The following VEPH1 variants were observed in gnomAD, a reference collection of about 807,000 sequenced individuals.
VEPH1 encodes the protein ventricular zone expressed PH domain containing 1.
VEPH1 carries 80 observed loss-of-function variants against 85.2 expected under a neutral mutation model. That is an observed-to-expected ratio of 0.94 (90% CI 0.78 to 1.13). The LOEUF (loss-of-function observed/expected upper bound fraction) is 1.13, where lower values mean the gene tolerates loss of function less well. VEPH1 is among the 50% of genes most tolerant of loss of function. The pLI is 0.00. For missense variants in VEPH1, 955 were observed against 980.5 expected, an observed-to-expected ratio of 0.97 and a Z score of 0.35; for synonymous variants, 297 against 348.0, an observed-to-expected ratio of 0.85 and a Z score of 1.63.
At chr3:157,420,430 C>G (rs1349587581) in intron 5 of VEPH1, among the ~76,000 whole-genome samples, 1 of 152,048 alleles carries the variant, frequency 6.6e-6, no homozygotes, top group Non-Finnish European at 1.5e-5. Context: ...AGTCTTCAGG[C>G]CCAATTTTCT....
chr3:157,316,406 G>A (rs1481562144), intron 10 of VEPH1, among the ~76,000 whole-genome samples: 1 of 151,292 alleles, frequency 6.6e-6, no homozygotes, highest in African/African-American at 2.4e-5. Context: ...TGGGTCAGGG[G>A]TCAGACGATC....
intron 2 of VEPH1, among the ~76,000 whole-genome samples, chr3:157,481,470 A>C (rs1157204800): frequency 0.039 from 4,997 of 128,870 alleles, 292 homozygotes; most frequent in African/African-American, 0.12. Context: ...ACACACAAAA[A>C]AAAAAAAAAA....
intron 6 of VEPH1, among the ~76,000 whole-genome samples, chr3:157,382,942 C>T (rs1183725505): frequency 6.6e-6 from 1 of 152,180 alleles, no homozygotes; most frequent in Non-Finnish European, 1.5e-5. Flanking sequence ...AGCTATCCTG[C>T]TGCCTCAGTC....
At chr3:157,316,969 C>A in intron 10 of VEPH1, 93 bp downstream of exon 10, 1 of 1,358,002 alleles carries the variant, frequency 7.4e-7, no homozygotes, top group East Asian at 2.5e-5. Context: ...ATCTACATAT[C>A]AACTCTGGCC....
At position 157,308,315 on chromosome 3, in the gene VEPH1, A is replaced by G. The variant is rs367597412; in HGVS notation, c.2010+5306T>C. On this transcript the variant is annotated intron_variant, in intron 11 of 13. Transcript: ENST00000362010. The stretch of plus-strand genomic sequence containing the variant: ...ATTTCTAATTATAGCAAACACCTTT[A>G]CATTTTTTCTGTATGTACAAAATTA... Among the ~76,000 whole-genome samples, 122 of 152,076 alleles carry G rather than the reference A, an allele frequency of 8.0e-4. 2 individuals carry two copies. In the South Asian group the frequency reaches 0.015, roughly 18 times the overall value.
In VEPH1 at chr3:157,314,371, A is replaced by T. The variant is rs539947182; in HGVS notation, c.1876-616T>A. Among the ~76,000 whole-genome samples, 107 of 149,120 alleles carry T rather than the reference A, an allele frequency of 7.2e-4. 3 individuals are homozygous for T. The South Asian group carries it at 0.013, about 18-fold the overall frequency. On this transcript the variant is annotated intron_variant, in intron 10 of 13. Transcript: ENST00000362010. ...AAAAAAAAAAAAAAAAAATTAAACGAAAAAGATCAAACATATGATATATTT... is the reference window on the plus strand; with the variant it reads ...AAAAAAAAAAAAAAAAAATTAAACGTAAAAGATCAAACATATGATATATTT...
At chr3:157,392,821 G>T (rs1451250838) in intron 6 of VEPH1, among the ~76,000 whole-genome samples, 1 of 152,170 alleles carries the variant, frequency 6.6e-6, no homozygotes, top group Non-Finnish European at 1.5e-5. Flanking sequence ...GGAGCTAACA[G>T]TTCGGCGGCA....
intron 12 of VEPH1, among the ~76,000 whole-genome samples, chr3:157,272,375 T>TTTTCTTTCTC (rs1714759305): frequency 1.1e-5 from 1 of 94,970 alleles, no homozygotes; most frequent in Non-Finnish European, 2.2e-5. Flanking sequence ...TTTCTCTTTC[T>TTTTCTTTCTC]TTTCTTTCTT....
intron 4 of VEPH1, chr3:157,437,597 T>G: frequency 6.3e-7 from 1 of 1,578,344 alleles, no homozygotes; most frequent in South Asian, 1.2e-5. Flanking sequence ...AGAGAGCGCA[T>G]GCTGCTGCAA....
intron 6 of VEPH1, among the ~76,000 whole-genome samples, chr3:157,388,916 A>G (rs947498642): frequency 8.5e-5 from 13 of 152,120 alleles, no homozygotes; most frequent in African/African-American, 2.7e-4. Context: ...GGGGTTCTGG[A>G]ACCAATTTTC....
intron 2 of VEPH1, chr3:157,489,285 T>C (rs1470473465): frequency 4.6e-6 from 2 of 437,944 alleles, no homozygotes; most frequent in African/African-American, 2.0e-5. Flanking sequence ...CCTTTCCACA[T>C]TGTTCCCTTC....
chr3:157,388,944 G>A (rs1302319870), intron 6 of VEPH1, among the ~76,000 whole-genome samples: 2 of 152,082 alleles, frequency 1.3e-5, no homozygotes, highest in Admixed American at 6.5e-5. Flanking sequence ...ATTGAGGGAT[G>A]ACCATATATA....
At chr3:157,430,028 A>G (rs1733025812) in intron 4 of VEPH1, among the ~76,000 whole-genome samples, 1 of 152,258 alleles carries the variant, frequency 6.6e-6, no homozygotes, top group Admixed American at 6.5e-5. Context: ...TATAAATTCC[A>G]TTAGTCAATA....
chr3:157,500,771 C>G (rs2109791764), intron 1 of VEPH1, among the ~76,000 whole-genome samples: 1 of 152,092 alleles, frequency 6.6e-6, no homozygotes, highest in African/African-American at 2.4e-5. Flanking sequence ...GAATTGGACA[C>G]TCTATGGAAC....
At chr3:157,299,559 CA>C (rs10535235) in intron 11 of VEPH1, among the ~76,000 whole-genome samples, 17,349 of 103,080 alleles carry the variant, frequency 0.17, 1,107 homozygotes, top group South Asian at 0.35. Flanking sequence ...GGCCCTGTCT[CA>C]AAAAAAAAAA....
intron 10 of VEPH1, among the ~76,000 whole-genome samples, chr3:157,314,068 C>T (rs1720442029): frequency 6.6e-6 from 1 of 151,876 alleles, no homozygotes; most frequent in Non-Finnish European, 1.5e-5. Context: ...CATGGTGGCT[C>T]ATGTCTGTAA....
At chr3:157,414,467 T>C (rs373130266) in intron 5 of VEPH1, among the ~76,000 whole-genome samples, 2 of 152,140 alleles carry the variant, frequency 1.3e-5, no homozygotes, top group Admixed American at 1.3e-4. Context: ...AGGTAGGAGA[T>C]CTTTGTTGAC....
chr3:157,358,739 A>T (rs1725720318), intron 9 of VEPH1, among the ~76,000 whole-genome samples: 1 of 152,132 alleles, frequency 6.6e-6, no homozygotes, highest in Non-Finnish European at 1.5e-5. Flanking sequence ...TTAAGAAAAA[A>T]ATCAACTTAT....
At chr3:157,326,000 G>A (rs762659846) in intron 9 of VEPH1, among the ~76,000 whole-genome samples, 20 of 151,984 alleles carry the variant, frequency 1.3e-4, no homozygotes, top group Admixed American at 1.3e-4. Flanking sequence ...TGTCATCTCC[G>A]ATTTCTTTGA....
Sources: allele counts gnomAD v4.1 joint callset (sites outside exome capture counted in the v4.1 genomes callset), GRCh38; gene constraint gnomAD v4.1.1; transcripts MANE v1.5; gene names NCBI Gene and HGNC (gene_info 2026-07-23, HGNC 2026-07-21).